Variants in DPP6 observed in about 807,000 individuals in gnomAD.
DPP6 encodes the protein A-type potassium channel modulatory protein DPP6.
In DPP6, 69 loss-of-function variants were observed where a neutral mutation model predicts 122.6. That is an observed-to-expected ratio of 0.56 (90% confidence interval 0.46 to 0.69). The LOEUF (loss-of-function observed/expected upper bound fraction) is 0.69, where lower values mean the gene tolerates loss of function less well. DPP6 is among the 30% of genes least tolerant of loss of function. DPP6 has a pLI of 0.00. For synonymous variants in DPP6, 418 were observed against 433.1 expected (o/e 0.97, Z 0.43); for missense variants, 928 against 1,116.9 (o/e 0.83, Z 2.41).
At chr7:153,770,362 G>T in the DPP6 span, among the ~76,000 whole-genome samples, 2 of 152,250 alleles carry the variant, frequency 1.3e-5, no homozygotes, top group East Asian at 3.9e-4. Context: ...ATAGTCCCTG[G>T]CTGAAGCCGA....
At chr7:154,596,581 A>T (rs537075500) in intron 5 of DPP6, among the ~76,000 whole-genome samples, 1 of 152,304 alleles carries the variant, frequency 6.6e-6, no homozygotes, top group African/African-American at 2.4e-5. Flanking sequence ...AAAAGTTGAC[A>T]TGGAGCAGGT....
the DPP6 span, among the ~76,000 whole-genome samples, chr7:153,773,304 T>C: frequency 3.7e-5 from 5 of 135,380 alleles, no homozygotes; most frequent in African/African-American, 1.1e-4. Context: ...TGTGTGTGTA[T>C]GTGTATTTTA....
At chr7:153,850,334 G>C in the DPP6 span, among the ~76,000 whole-genome samples, 1 of 152,090 alleles carries the variant, frequency 6.6e-6, no homozygotes, top group Non-Finnish European at 1.5e-5. Context: ...TCTCTTATTG[G>C]CTGGGGGGTC....
chr7:153,910,762 G>T (rs1471083111), intron 1 of DPP6, among the ~76,000 whole-genome samples: 1 of 152,000 alleles, frequency 6.6e-6, no homozygotes, highest in Non-Finnish European at 1.5e-5. Flanking sequence ...TAATATTCAG[G>T]CTCTGAAGCT....
intron 21 of DPP6, among the ~76,000 whole-genome samples, chr7:154,882,995 G>T (rs1014834734): frequency 5.3e-5 from 8 of 152,038 alleles, no homozygotes; most frequent in African/African-American, 1.5e-4. Context: ...CAACACGCAT[G>T]CTCACAGACT....
intron 1 of DPP6, among the ~76,000 whole-genome samples, chr7:154,293,706 T>C (rs1393592698): frequency 2.6e-5 from 4 of 152,214 alleles, no homozygotes; most frequent in Non-Finnish European, 4.4e-5. Context: ...CCTGTGAGGT[T>C]CTATGAGAAG....
chr7:154,310,172 C>T (rs998123666), intron 1 of DPP6, among the ~76,000 whole-genome samples: 4 of 152,130 alleles, frequency 2.6e-5, no homozygotes, highest in Non-Finnish European at 4.4e-5. Context: ...CAGAGTGGGT[C>T]CTTGAGCTGA....
intron 1 of DPP6, among the ~76,000 whole-genome samples, chr7:154,036,941 C>T (rs1302378092): frequency 6.6e-6 from 1 of 152,178 alleles, no homozygotes; most frequent in Non-Finnish European, 1.5e-5. Context: ...GCCTGGTCAC[C>T]TGCAACCGCA....
chr7:154,346,451 C>T (rs925545339), intron 1 of DPP6, among the ~76,000 whole-genome samples: 1 of 152,156 alleles, frequency 6.6e-6, no homozygotes, highest in Non-Finnish European at 1.5e-5. Context: ...GGATTACAGG[C>T]ACTCACCACC....
chr7:154,267,297 C>G (rs1803481047), intron 1 of DPP6, among the ~76,000 whole-genome samples: 1 of 147,622 alleles, frequency 6.8e-6, no homozygotes, highest in African/African-American at 2.5e-5. Flanking sequence ...TGTAAATATA[C>G]AATAATTCAC....
intron 10 of DPP6, among the ~76,000 whole-genome samples, chr7:154,790,997 G>C (rs149409963): frequency 6.6e-6 from 1 of 151,982 alleles, no homozygotes; most frequent in Non-Finnish European, 1.5e-5. Context: ...CATGCCTGTA[G>C]TCCCAGCACT....
chr7:153,815,171 T>G, the DPP6 span, among the ~76,000 whole-genome samples: 2 of 152,118 alleles, frequency 1.3e-5, no homozygotes, highest in Non-Finnish European at 2.9e-5. Flanking sequence ...GTCAAATTGT[T>G]CCTGTTTGCA....
intron 7 of DPP6, among the ~76,000 whole-genome samples, chr7:154,709,072 C>T (rs979824662): frequency 1.3e-5 from 2 of 151,874 alleles, no homozygotes; most frequent in African/African-American, 4.8e-5. Context: ...AATAAAATAA[C>T]GTTGAAAAGC....
intron 2 of DPP6, among the ~76,000 whole-genome samples, chr7:154,463,247 G>A (rs1389331089): frequency 4.6e-4 from 56 of 122,026 alleles, no homozygotes; most frequent in African/African-American, 1.3e-3. Context: ...TCGCTCTGTC[G>A]CCCAGGCTGG....
At chr7:154,665,149 T>C (rs1056918431) in intron 6 of DPP6, among the ~76,000 whole-genome samples, 1 of 152,198 alleles carries the variant, frequency 6.6e-6, no homozygotes, top group Non-Finnish European at 1.5e-5. Flanking sequence ...ATTTGGGTTT[T>C]TCCCAGTGTT....
At chr7:154,460,968 C>A (rs1821248834) in intron 2 of DPP6, among the ~76,000 whole-genome samples, 1 of 151,892 alleles carries the variant, frequency 6.6e-6, no homozygotes, top group Non-Finnish European at 1.5e-5. Context: ...ATTTTTGTAC[C>A]CATTAACCAT....
chr7:154,590,448 G>A (rs1188522955), intron 5 of DPP6, among the ~76,000 whole-genome samples: 3 of 150,554 alleles, frequency 2.0e-5, no homozygotes, highest in Non-Finnish European at 4.4e-5. Flanking sequence ...TCTCAGCAGC[G>A]GGTAGGTCCG....
At chr7:154,302,073 AT>A (rs1367324004) in intron 1 of DPP6, among the ~76,000 whole-genome samples, 3 of 152,060 alleles carry the variant, frequency 2.0e-5, no homozygotes, top group Non-Finnish European at 4.4e-5. Flanking sequence ...CTCTTAACGG[AT>A]TTTTAGTGTG....
chr7:154,183,087 T>C (rs77353766), intron 1 of DPP6, among the ~76,000 whole-genome samples: 2,609 of 152,262 alleles, frequency 0.017, 78 homozygotes, highest in African/African-American at 0.059. Flanking sequence ...TCTTCATAGC[T>C]GTGTTAAGAT....
Sources: gnomAD v4.1 joint callset for allele counts (sites outside exome capture counted in the v4.1 genomes callset) on GRCh38, gnomAD v4.1.1 for gene constraint, MANE v1.5 for transcripts, NCBI Gene and HGNC (gene_info 2026-07-23, HGNC 2026-07-21) for gene names.